Variants in MLIP observed in about 807,000 individuals in gnomAD.
The protein encoded by MLIP is muscular LMNA interacting protein.
A neutral mutation model predicts 84.8 loss-of-function variants in MLIP; 79 were observed. The observed-to-expected ratio is 0.93, with a 90% CI of 0.78 to 1.12. The LOEUF (loss-of-function observed/expected upper bound fraction) is 1.12. MLIP is among the 50% of genes most tolerant of loss of function. MLIP has a pLI of 0.00. For synonymous variants in MLIP, 504 were observed against 463.0 expected (o/e 1.09, Z -1.14); for missense variants, 1,257 against 1,160.6 (o/e 1.08, Z -1.21).
chr6:54,238,267 A>C (rs1262883927), intron 12 of MLIP, among the ~76,000 whole-genome samples: 1 of 152,166 alleles, frequency 6.6e-6, no homozygotes, highest in Non-Finnish European at 1.5e-5. Flanking sequence ...TAAAGTATCT[A>C]AGCTTATCAC....
At chr6:54,256,783 T>C (rs770794612) in intron 12 of MLIP, among the ~76,000 whole-genome samples, 2 of 152,128 alleles carry the variant, frequency 1.3e-5, no homozygotes, top group Non-Finnish European at 1.5e-5. Flanking sequence ...ATTACAATGT[T>C]TATGAAGTCT....
chr6:54,214,891 A>C (rs187978285), intron 11 of MLIP, among the ~76,000 whole-genome samples: 1 of 152,172 alleles, frequency 6.6e-6, no homozygotes, highest in East Asian at 1.9e-4. Flanking sequence ...TGGTGTTGCT[A>C]CTTCTCTGTC....
At chr6:54,051,154 A>G (rs1313268131) in intron 1 of MLIP, among the ~76,000 whole-genome samples, 2 of 151,748 alleles carry the variant, frequency 1.3e-5, no homozygotes, top group African/African-American at 4.8e-5. Context: ...GACCTCGAGC[A>G]GTCTACTAGT....
At position 54,137,938 on chromosome 6, in the gene MLIP, A is replaced by G. The variant is rs1252603661; in HGVS notation, c.1869A>G (p.Arg623=). 5.2e-6 allele frequency: 8 copies of G among 1,535,956 alleles called. No homozygotes were observed. The highest frequency in any genetic ancestry group is 7.0e-6 in the Non-Finnish European group (8 of 1,146,898). Residue 623 remains arginine (R), a synonymous_variant, in exon 4 of 14, where the codon AGA becomes AGG. Transcript: ENST00000502396. ...PSPALSSLIN[R]SKRASSQLSG... ...CAGCTCTTTCAAGCCTGATAAACAG[A>G]TCTAAAAGAGCATCATCCCAACTAT...
intron 1 of MLIP, among the ~76,000 whole-genome samples, chr6:54,059,604 GA>G (rs1765849857): frequency 6.6e-6 from 1 of 152,110 alleles, no homozygotes; most frequent in Non-Finnish European, 1.5e-5. Flanking sequence ...AAATAATATA[GA>G]AATGAAGGTG....
At chr6:54,055,042 C>T (rs1403425983) in intron 1 of MLIP, among the ~76,000 whole-genome samples, 2 of 152,142 alleles carry the variant, frequency 1.3e-5, no homozygotes, top group Admixed American at 6.6e-5. Context: ...CGCCCGCCAC[C>T]ACGCCCAGCT....
intron 5 of MLIP, among the ~76,000 whole-genome samples, chr6:54,149,690 T>G (rs893221178): frequency 3.3e-5 from 5 of 152,128 alleles, no homozygotes; most frequent in African/African-American, 1.2e-4. Context: ...CCTACTTTCA[T>G]GAACAGAAGG....
intron 1 of MLIP, among the ~76,000 whole-genome samples, chr6:54,035,273 G>T (rs918353425): frequency 6.6e-6 from 1 of 152,116 alleles, no homozygotes; most frequent in Non-Finnish European, 1.5e-5. Context: ...CTTAAAGTTA[G>T]TCCAAGTTGT....
chr6:54,125,007 G>T, intron 3 of MLIP, 142 bp downstream of exon 3: 1 of 628,412 alleles, frequency 1.6e-6, no homozygotes. Context: ...TTATCTCAGG[G>T]TAATAAATCA....
At chr6:54,157,124 AGCATATGAAAG>A (rs778040818) in intron 5 of MLIP, among the ~76,000 whole-genome samples, 1 of 152,082 alleles carries the variant, frequency 6.6e-6, no homozygotes, top group Non-Finnish European at 1.5e-5. Flanking sequence ...TTGAGTGAGG[AGCATATGAAAG>A]GCACTGTTGG....
chr6:54,150,817 A>T (rs1472633341), intron 5 of MLIP, among the ~76,000 whole-genome samples: 1 of 152,206 alleles, frequency 6.6e-6, no homozygotes, highest in Non-Finnish European at 1.5e-5. Context: ...CTTATAATTT[A>T]TTCATTAGTC....
At chr6:54,183,743 G>GTTTTTTTTTTT (rs3996970) in intron 9 of MLIP, among the ~76,000 whole-genome samples, 1 of 116,736 alleles carries the variant, frequency 8.6e-6, no homozygotes, top group Non-Finnish European at 1.7e-5. Flanking sequence ...GACAGGGTAA[G>GTTTTTTTTTTT]TTTTTTTTTT....
intron 1 of MLIP, among the ~76,000 whole-genome samples, chr6:54,105,474 G>A (rs1768942704): frequency 6.6e-6 from 1 of 152,152 alleles, no homozygotes; most frequent in African/African-American, 2.4e-5. Flanking sequence ...AAAGTTCATT[G>A]GACAAGTATT....
At chr6:54,233,706 G>C (rs1781169919) in intron 12 of MLIP, among the ~76,000 whole-genome samples, 1 of 152,194 alleles carries the variant, frequency 6.6e-6, no homozygotes, top group Non-Finnish European at 1.5e-5. Context: ...TAATGGGATT[G>C]CTGGATCAAA....
intron 11 of MLIP, chr6:54,217,931 A>G: frequency 1.0e-6 from 1 of 985,462 alleles, no homozygotes; most frequent in Non-Finnish European, 1.2e-6. Context: ...CAACCTCAAG[A>G]TAATTCGCTG....
intron 8 of MLIP, among the ~76,000 whole-genome samples, chr6:54,166,416 C>A (rs921691659): frequency 5.3e-5 from 8 of 151,818 alleles, no homozygotes; most frequent in African/African-American, 1.9e-4. Flanking sequence ...TCACCAAAAC[C>A]CCTTTTTCCA....
At chr6:54,171,338 A>C (rs1775750177) in intron 9 of MLIP, among the ~76,000 whole-genome samples, 1 of 151,658 alleles carries the variant, frequency 6.6e-6, no homozygotes, top group Non-Finnish European at 1.5e-5. Context: ...ACTCTAATGC[A>C]GATAAGATTC....
At chr6:54,074,151 A>T (rs1483083042) in intron 1 of MLIP, among the ~76,000 whole-genome samples, 2 of 152,150 alleles carry the variant, frequency 1.3e-5, no homozygotes, top group Admixed American at 6.5e-5. Flanking sequence ...TTTGAAAATG[A>T]TGTGTTTTTT....
intron 1 of MLIP, among the ~76,000 whole-genome samples, chr6:54,036,241 G>GTT (rs10558454): frequency 0.083 from 11,762 of 141,538 alleles, 681 homozygotes; most frequent in East Asian, 0.32. Flanking sequence ...AGTCACCACT[G>GTT]TTTTTTTTTT....
Sources: allele counts gnomAD v4.1 joint callset (sites outside exome capture counted in the v4.1 genomes callset), GRCh38; gene constraint gnomAD v4.1.1; transcripts MANE v1.5; gene names NCBI Gene and HGNC (gene_info 2026-07-23, HGNC 2026-07-21).